TENM3: variants seen among roughly 807,000 people sequenced by gnomAD.
TENM3 encodes the protein teneurin-3.
A neutral mutation model predicts 255.1 loss-of-function variants in TENM3; 63 were observed. That is an observed-to-expected ratio of 0.25 (90% CI 0.20 to 0.30). The LOEUF (loss-of-function observed/expected upper bound fraction) is 0.30. Ranked by LOEUF, TENM3 falls within the 10% of genes least tolerant of loss-of-function variation. The pLI, the probability that TENM3 is intolerant of heterozygous loss-of-function variation, is 1.00. For missense variants in TENM3, 2,929 were observed against 3,461.1 expected (o/e 0.85, Z 3.86); for synonymous variants, 1,306 against 1,322.3 (o/e 0.99, Z 0.27).
chr4:181,871,487 A>T, the TENM3 span, among the ~76,000 whole-genome samples: 1 of 152,038 alleles, frequency 6.6e-6, no homozygotes, highest in African/African-American at 2.4e-5. Context: ...TTATGTAAAC[A>T]GTCATTTTGT....
chr4:181,997,318 G>A, the TENM3 span, among the ~76,000 whole-genome samples: 8 of 152,218 alleles, frequency 5.3e-5, no homozygotes, highest in South Asian at 6.2e-4. Context: ...GGCTGCCTGC[G>A]CACGTGTGAT....
chr4:181,616,778 G>C, the TENM3 span, among the ~76,000 whole-genome samples: 1 of 152,136 alleles, frequency 6.6e-6, no homozygotes, highest in African/African-American at 2.4e-5. Flanking sequence ...CTCAGCTCCA[G>C]AAATGAGAGA....
At chr4:181,916,489 A>G in the TENM3 span, among the ~76,000 whole-genome samples, 1 of 152,186 alleles carries the variant, frequency 6.6e-6, no homozygotes, top group Non-Finnish European at 1.5e-5. Context: ...AGGCCCTGAG[A>G]TGAAAAGATA....
the TENM3 span, among the ~76,000 whole-genome samples, chr4:181,653,461 G>C: frequency 6.6e-6 from 1 of 152,118 alleles, no homozygotes; most frequent in Non-Finnish European, 1.5e-5. Context: ...CCAGGCCGGA[G>C]TGCAATGCCG....
the TENM3 span, among the ~76,000 whole-genome samples, chr4:181,795,005 T>C: frequency 6.6e-6 from 1 of 152,216 alleles, no homozygotes; most frequent in Non-Finnish European, 1.5e-5. Context: ...GTTCTATAGT[T>C]AACACCTACA....
chr4:182,679,730 A>G lies in TENM3; in HGVS notation c.1391A>G (p.Glu464Gly). 6.2e-7 allele frequency: 1 copy of G among 1,613,744 alleles called. No homozygotes were observed. Among genetic ancestry groups the G allele is most frequent in the East Asian group, 2.2e-5 (1 of 44,882 alleles). The stretch of plus-strand genomic sequence containing the variant: ...GCCAGAGAGCAGCGGAGCCTGCTTG[A>G]GACGGAGAGAGCCGGGCGGCAGGCG... ...LIAREQRSLL[E>G]TERAGRQARS... The change falls in exon 8 of 28, where the codon GAG (glutamate) becomes GGG (glycine). Residue 464 changes from glutamate (E) to glycine (G), a missense_variant. Physicochemically the swap from Glu to Gly is moderately conservative, Grantham distance 98. This residue lies in a region of TENM3 where 1,608 missense variants were observed against 1,884.4 expected (regional missense o/e 0.85). Coordinates refer to ENST00000511685, the MANE Select transcript of TENM3 (RefSeq NM_001080477.4).
intron 5 of TENM3, among the ~76,000 whole-genome samples, chr4:182,648,428 C>T (rs1200111132): frequency 2.6e-5 from 4 of 151,808 alleles, no homozygotes; most frequent in South Asian, 2.1e-4. Flanking sequence ...GGATTACAGG[C>T]GCCTGCCACT....
chr4:181,492,601 A>G, the TENM3 span, among the ~76,000 whole-genome samples: 1 of 152,162 alleles, frequency 6.6e-6, no homozygotes. Context: ...AAAAATTATG[A>G]TTTCCATCGT....
At chr4:181,483,068 G>A in the TENM3 span, among the ~76,000 whole-genome samples, 1 of 152,156 alleles carries the variant, frequency 6.6e-6, no homozygotes, top group African/African-American at 2.4e-5. Flanking sequence ...AACTACAGCT[G>A]TGAGTGGATA....
At chr4:182,262,377 A>G (rs1298151885) in intron 1 of TENM3, among the ~76,000 whole-genome samples, 1 of 152,174 alleles carries the variant, frequency 6.6e-6, no homozygotes, top group African/African-American at 2.4e-5. Context: ...AAGGCATTCT[A>G]AGTTACAGGA....
the TENM3 span, among the ~76,000 whole-genome samples, chr4:181,688,697 A>G: frequency 2.0e-4 from 31 of 152,250 alleles, no homozygotes; most frequent in South Asian, 6.2e-3. Flanking sequence ...TTTCTTGAGA[A>G]GGGGGCCTGC....
the TENM3 span, among the ~76,000 whole-genome samples, chr4:181,650,068 A>T: frequency 2.6e-5 from 4 of 152,180 alleles, no homozygotes; most frequent in African/African-American, 9.7e-5. Flanking sequence ...TGTGCTTCTG[A>T]TTATAAGAAT....
rs931706182 is a variant in TENM3 at position 182,668,190 on chromosome 4, A to G, written c.1112-4815A>G. Among the ~76,000 whole-genome samples the G allele has an allele frequency of 2.0e-5, 3 of 152,114 alleles. No homozygotes were observed. The East Asian group carries it at 5.8e-4, about 29-fold the overall frequency. On this transcript the variant is annotated intron_variant, in intron 6 of 27. Transcript: ENST00000511685. ...ACCTTGGGTTTATGGTGTCTTCAAT[A>G]AAAGAGGCTTCACCACCACAATACT...
intron 3 of TENM3, among the ~76,000 whole-genome samples, chr4:182,528,181 G>C (rs910835427): frequency 5.5e-4 from 84 of 152,054 alleles, no homozygotes; most frequent in African/African-American, 2.0e-3. Context: ...GCAGTGTCAC[G>C]ATCTTGGCTC....
chr4:181,850,864 T>C, the TENM3 span, among the ~76,000 whole-genome samples: 1 of 152,166 alleles, frequency 6.6e-6, no homozygotes, highest in Non-Finnish European at 1.5e-5. Flanking sequence ...GTATATTGCC[T>C]CTTATTTCCG....
intron 1 of TENM3, among the ~76,000 whole-genome samples, chr4:182,197,176 C>A (rs1330007083): frequency 1.3e-5 from 2 of 152,160 alleles, no homozygotes; most frequent in Admixed American, 1.3e-4. Flanking sequence ...TGTCTACAAG[C>A]TTTTTAACCA....
chr4:181,645,905 T>TA, the TENM3 span, among the ~76,000 whole-genome samples: 3 of 152,292 alleles, frequency 2.0e-5, no homozygotes, highest in South Asian at 2.1e-4. Flanking sequence ...TTTTGTCTTT[T>TA]AAAAAAACCC....
the TENM3 span, among the ~76,000 whole-genome samples, chr4:182,098,940 A>T: frequency 6.6e-6 from 1 of 150,902 alleles, no homozygotes; most frequent in Non-Finnish European, 1.5e-5. Flanking sequence ...TTACCTCATA[A>T]ATATGTGCAC....
rs1403506932 is a variant in TENM3, at chr4:182,792,741, C to T, written c.6069C>T (p.Asn2023=). 6.2e-7 allele frequency: 1 copy of T among 1,613,930 alleles called. No individual in the cohort carries two copies. Among genetic ancestry groups the T allele is most frequent in the Non-Finnish European group, 8.5e-7 (1 of 1,179,896 alleles). ...VNARFDYSYD[N]SFRVTSMQGV... ...CAAGATTTGACTATAGCTATGACAA[C>T]AGCTTTCGAGTGACCAGCATGCAGG... Residue 2023 remains asparagine (N), a synonymous_variant, in exon 26 of 28, where the codon AAC becomes AAT. Coordinates refer to ENST00000511685, the MANE Select transcript of TENM3 (RefSeq NM_001080477.4). This position sits in a 1 kb window ranked among gnomAD's most constrained non-coding sequence, Gnocchi z 6.3.
Sources: gnomAD v4.1 joint callset for allele counts (sites outside exome capture counted in the v4.1 genomes callset) on GRCh38, gnomAD v4.1.1 for gene constraint, gnomAD v4.1.1 regional missense constraint, Gnocchi (gnomAD v3.1) non-coding constraint, MANE v1.5 for transcripts, NCBI Gene and HGNC (gene_info 2026-07-23, HGNC 2026-07-21) for gene names.